The following NUP155 variants were observed in gnomAD, a reference collection of about 807,000 sequenced individuals.
NUP155 encodes nucleoporin 155.
Under a neutral mutation model 180.4 loss-of-function variants are expected in NUP155, and 71 were observed. The ratio of observed to expected loss-of-function variants is 0.39; its 90% CI spans 0.33 to 0.48. NUP155 has a LOEUF of 0.48. NUP155 is among the 20% of genes least tolerant of loss of function. The pLI, the probability that NUP155 is intolerant of heterozygous loss-of-function variation, is 0.91. For missense variants in NUP155, 1,553 were observed against 1,648.9 expected (o/e 0.94, Z 1.01); for synonymous variants, 582 against 559.5 (o/e 1.04, Z -0.57).
At chr5:37,336,131 G>C (rs1745314117) in intron 12 of NUP155, among the ~76,000 whole-genome samples, 1 of 151,398 alleles carries the variant, frequency 6.6e-6, no homozygotes, top group African/African-American at 2.4e-5. Context: ...GTCCACCTTT[G>C]TTTGAGAAAA....
chr5:37,336,901 A>G (rs1581178212), intron 12 of NUP155, among the ~76,000 whole-genome samples: 1 of 152,224 alleles, frequency 6.6e-6, no homozygotes, highest in South Asian at 2.1e-4. Flanking sequence ...GAACCACCAA[A>G]GAACCACTAG....
chr5:37,358,694 T>C (rs897287282), intron 3 of NUP155, among the ~76,000 whole-genome samples: 1 of 152,046 alleles, frequency 6.6e-6, no homozygotes, highest in African/African-American at 2.4e-5. Flanking sequence ...GAATGCTCTT[T>C]ATTAGTTAAA....
intron 20 of NUP155, among the ~76,000 whole-genome samples, chr5:37,321,921 T>C (rs1744272412): frequency 2.0e-5 from 3 of 152,160 alleles, no homozygotes; most frequent in Non-Finnish European, 1.5e-5. Context: ...AATGGCACGA[T>C]CTGGGCTCAC....
In NUP155 at chr5:37,352,540, A is replaced by AAAAAC. The variant is rs545112182; in HGVS notation, c.556+192_556+196dup. On this transcript the variant is annotated intron_variant, in intron 5 of 34. Coordinates refer to ENST00000231498, the MANE Select transcript of NUP155 (RefSeq NM_153485.3). Reference sequence around the variant, plus strand: ...GCAACAAGAGCGAAAATCCGTCTCAAAAAACAAAACAAAACAAAACAAAAC... The same window carrying AAAAAC: ...GCAACAAGAGCGAAAATCCGTCTCAAAAAACAAAACAAAACAAAACAAAACAAAAC... Among the ~76,000 whole-genome samples the AAAAAC allele has an allele frequency of 5.4e-3, 826 of 152,236 alleles. 4 individuals carry two copies. Among genetic ancestry groups the AAAAAC allele is most frequent in the Non-Finnish European group, 7.7e-3 (525 of 68,000 alleles).
intron 9 of NUP155, among the ~76,000 whole-genome samples, chr5:37,343,546 G>A (rs2150979012): frequency 6.6e-6 from 1 of 152,154 alleles, no homozygotes. Flanking sequence ...TTGGGTGAAT[G>A]GTTGGTGGGG....
chr5:37,323,813 T>C (rs1479591603), intron 20 of NUP155, among the ~76,000 whole-genome samples, 179 bp downstream of exon 20: 1 of 152,038 alleles, frequency 6.6e-6, no homozygotes, highest in Non-Finnish European at 1.5e-5. Flanking sequence ...GAGTTTCTTA[T>C]TGCTGTGATG....
At chr5:37,369,585 T>G (rs1460792890) in intron 1 of NUP155, among the ~76,000 whole-genome samples, 1 of 150,888 alleles carries the variant, frequency 6.6e-6, no homozygotes, top group Non-Finnish European at 1.5e-5. Flanking sequence ...CCAAAATGAG[T>G]AATGTTGTTC....
rs761897750 is a variant in NUP155, at chr5:37,331,723, C to T, written c.1591G>A (p.Asp531Asn). The change falls in exon 14 of 35, where the codon GAT (aspartate) becomes AAT (asparagine). Residue 531 changes from aspartate to asparagine, a missense_variant. By Grantham distance (23) the Asp-to-Asn change is conservative. Coordinates refer to ENST00000231498, the MANE Select transcript of NUP155 (RefSeq NM_153485.3). ...RHLLVSNVGG[D>N]GEEIERFFKL... is the part of the protein sequence containing the mutation. ...AAGAATCTTTCAATCTCTTCTCCATCTCCTCCCACATTACTCACAAGTAGA... is the reference window on the plus strand; with the variant it reads ...AAGAATCTTTCAATCTCTTCTCCATTTCCTCCCACATTACTCACAAGTAGA... 1.6e-5 allele frequency: 25 copies of T among 1,609,428 alleles called. No individual in the cohort carries two copies. Among genetic ancestry groups the T allele is most frequent in the Admixed American group, 3.3e-5 (2 of 59,978 alleles).
intron 32 of NUP155, among the ~76,000 whole-genome samples, chr5:37,298,429 T>C (rs577873937): frequency 7.2e-5 from 11 of 152,276 alleles, no homozygotes; most frequent in African/African-American, 2.2e-4. Context: ...ATAGCCACCA[T>C]ATCTCATTAA....
chr5:37,294,488 G>A (rs1160904092), intron 32 of NUP155, 23 bp from the exon 33 acceptor site: 1 of 1,609,966 alleles, frequency 6.2e-7, no homozygotes. Flanking sequence ...AAAAAGATCG[G>A]AAATTTGGAT....
At chr5:37,293,059 T>C in intron 33 of NUP155, 74 bp from the exon 34 acceptor site, 4 of 1,016,776 alleles carry the variant, frequency 3.9e-6, no homozygotes, top group Admixed American at 3.5e-5. Flanking sequence ...TATACTAAAG[T>C]AGACATCAGG....
Position 37,310,390 on chromosome 5 carries a change from A to G in NUP155, c.2628+162T>C, listed in dbSNP as rs1743450350. Among the ~76,000 whole-genome samples, 4 of 152,196 alleles carry G rather than the reference A, an allele frequency of 2.6e-5. No homozygotes were observed. The South Asian group carries it at 8.3e-4, about 31-fold the overall frequency. ...GCTTAAAAGAGTATACACTGGTTTT[A>G]AGAAGCCACATATTCCAACCCCTTT... On this transcript the variant is annotated intron_variant, in intron 23 of 34. Coordinates refer to ENST00000231498, the MANE Select transcript of NUP155 (RefSeq NM_153485.3).
chr5:37,370,549 C>A, intron 1 of NUP155: 1 of 867,542 alleles, frequency 1.2e-6, no homozygotes, highest in Non-Finnish European at 1.7e-6. Context: ...CACTTGAGAG[C>A]GGCGAGAAGC....
chr5:37,339,038 G>A, intron 11 of NUP155, among the ~76,000 whole-genome samples: 1 of 152,052 alleles, frequency 6.6e-6, no homozygotes, highest in East Asian at 1.9e-4. Flanking sequence ...AAATGATGAA[G>A]GTGCTAGAGG....
intron 5 of NUP155, 84 bp from the exon 6 acceptor site, chr5:37,351,440 G>T: frequency 8.2e-6 from 8 of 980,812 alleles, no homozygotes; most frequent in Admixed American, 2.1e-5. Context: ...GAATCTATAT[G>T]TTTACTCAAT....
At chr5:37,334,392 T>G in intron 12 of NUP155, among the ~76,000 whole-genome samples, 1 of 151,828 alleles carries the variant, frequency 6.6e-6, no homozygotes, top group Non-Finnish European at 1.5e-5. Flanking sequence ...ACCTTTTTTT[T>G]TTTTCTGAGG....
In NUP155 at chr5:37,292,949, G is replaced by C; in HGVS notation, c.3967C>G (p.Leu1323Val). The change falls in exon 34 of 35, where the codon CTT becomes GTT. Residue 1323 changes from leucine to valine, a missense_variant. Leu to Val is a conservative substitution (Grantham distance 32, BLOSUM62 1). Transcript: ENST00000231498. ...AATAATACATGTATACAATCCAAAAGGTGCAGTGGCTTCTTCATTCTGTTC... is the reference window on the plus strand; with the variant it reads ...AATAATACATGTATACAATCCAAAACGTGCAGTGGCTTCTTCATTCTGTTC... ...FWNRMKKPLH[L>V]LDCIHVLLIR... 6.2e-7 allele frequency: 1 copy of C among 1,612,328 alleles called. No homozygotes were observed. Among genetic ancestry groups the C allele is most frequent in the Non-Finnish European group, 8.5e-7 (1 of 1,178,832 alleles).
chr5:37,330,862 A>G (rs1368030218), intron 14 of NUP155, among the ~76,000 whole-genome samples: 1 of 152,178 alleles, frequency 6.6e-6, no homozygotes, highest in African/African-American at 2.4e-5. Context: ...GAATTTATCA[A>G]CAACAGGCCA....
chr5:37,325,301 T>A (rs765122401), intron 19 of NUP155, among the ~76,000 whole-genome samples: 1 of 152,208 alleles, frequency 6.6e-6, no homozygotes, highest in Non-Finnish European at 1.5e-5. Context: ...GCTTGAGTTA[T>A]CCCTCATGAC....
Sources: gnomAD v4.1 joint callset for allele counts (sites outside exome capture counted in the v4.1 genomes callset) on GRCh38, gnomAD v4.1.1 for gene constraint, MANE v1.5 for transcripts, NCBI Gene and HGNC (gene_info 2026-07-23, HGNC 2026-07-21) for gene names.